PAICS: variants seen among roughly 807,000 people sequenced by gnomAD.
The protein encoded by PAICS is phosphoribosylaminoimidazole carboxylase and phosphoribosylaminoimidazolesuccinocarboxamide synthase, also known as bifunctional phosphoribosylaminoimidazole carboxylase/phosphoribosylaminoimidazole succinocarboxamide synthetase.
In PAICS, 33 loss-of-function variants were observed where a neutral mutation model predicts 53.7. That is an observed-to-expected ratio of 0.61 (90% CI 0.47 to 0.82). PAICS has a LOEUF of 0.82. PAICS is among the 40% of genes least tolerant of loss of function. The pLI is 0.00. For synonymous variants in PAICS, 141 were observed against 167.2 expected, an observed-to-expected ratio of 0.84 and a Z score of 1.21; for missense variants, 394 against 494.1, an observed-to-expected ratio of 0.80 and a Z score of 1.92.
At chr4:56,414,719 C>G in the PAICS span, among the ~76,000 whole-genome samples, 1 of 152,162 alleles carries the variant, frequency 6.6e-6, no homozygotes, top group Admixed American at 6.5e-5. Context: ...AATCTGGACT[C>G]TAAACCAGGT....
At chr4:56,440,278 C>T (rs1032117562) in intron 1 of PAICS, among the ~76,000 whole-genome samples, 1 of 152,198 alleles carries the variant, frequency 6.6e-6, no homozygotes, top group African/African-American at 2.4e-5. Flanking sequence ...TAAGCCAGGG[C>T]TGTATCTTAA....
At chr4:56,419,619 T>A in the PAICS span, 8 of 960,736 alleles carry the variant, frequency 8.3e-6, no homozygotes, top group Non-Finnish European at 9.9e-6. Context: ...TGCAGGTATC[T>A]CTACGTCAGT....
intron 2 of PAICS, among the ~76,000 whole-genome samples, chr4:56,444,907 C>A (rs141270803): frequency 1.3e-5 from 2 of 152,122 alleles, no homozygotes; most frequent in Non-Finnish European, 2.9e-5. Flanking sequence ...TAATGATTAA[C>A]AGATCTAAGA....
upstream of PAICS, chr4:56,435,855 C>G (rs200303380): frequency 6.7e-7 from 1 of 1,488,736 alleles, no homozygotes; most frequent in East Asian, 2.9e-5. Context: ...ACGGACTTAA[C>G]CTCATTTCTC....
At chr4:56,428,457 G>A in the PAICS span, among the ~76,000 whole-genome samples, 2 of 152,058 alleles carry the variant, frequency 1.3e-5, no homozygotes, top group Non-Finnish European at 2.9e-5. Flanking sequence ...GACAGAGACC[G>A]GAAACAATGT....
intron 8 of PAICS, among the ~76,000 whole-genome samples, chr4:56,455,259 T>C (rs893398963): frequency 6.6e-6 from 1 of 152,244 alleles, no homozygotes; most frequent in South Asian, 2.1e-4. Flanking sequence ...GTCCAAGATA[T>C]GATCTGATAT....
the PAICS span, among the ~76,000 whole-genome samples, chr4:56,426,485 C>T: frequency 2.0e-5 from 3 of 152,056 alleles, no homozygotes; most frequent in Non-Finnish European, 4.4e-5. Context: ...AACCACTAAC[C>T]AACTTTCTGT....
intron 1 of PAICS, among the ~76,000 whole-genome samples, chr4:56,438,371 T>TATATA (rs1718133599): frequency 2.6e-4 from 30 of 113,672 alleles, no homozygotes; most frequent in Middle Eastern, 5.3e-3. Flanking sequence ...TGCAATGTGT[T>TATATA]TATATATATA....
chr4:56,441,909 G>T, intron 2 of PAICS, 49 bp downstream of exon 2: 3 of 1,259,100 alleles, frequency 2.4e-6, no homozygotes, highest in Non-Finnish European at 3.3e-6. Flanking sequence ...TGGTAAGCAT[G>T]TCGATGTCTT....
chr4:56,410,747 A>T, the PAICS span: 1 of 987,224 alleles, frequency 1.0e-6, no homozygotes, highest in Non-Finnish European at 1.2e-6. Flanking sequence ...ATATGCCCAT[A>T]ACTCTGGAGA....
chr4:56,456,725 C>G (rs1330404985), intron 8 of PAICS, among the ~76,000 whole-genome samples: 3 of 130,736 alleles, frequency 2.3e-5, no homozygotes, highest in African/African-American at 9.3e-5. Context: ...TTTTTTTTTA[C>G]ACAATGTTTT....
intron 7 of PAICS, among the ~76,000 whole-genome samples, chr4:56,453,058 T>G (rs968634592): frequency 6.6e-6 from 1 of 152,210 alleles, no homozygotes; most frequent in African/African-American, 2.4e-5. Context: ...AACAGGAGGA[T>G]AATTTATAAA....
intron 8 of PAICS, among the ~76,000 whole-genome samples, chr4:56,455,980 T>C (rs751087929): frequency 7.9e-5 from 12 of 152,232 alleles, no homozygotes; most frequent in Non-Finnish European, 1.8e-4. Context: ...TCTCTTCTCA[T>C]TTTTGAATTT....
intron 5 of PAICS, among the ~76,000 whole-genome samples, chr4:56,450,232 AAACCT>A (rs1368033833): frequency 6.6e-6 from 1 of 152,120 alleles, no homozygotes; most frequent in Non-Finnish European, 1.5e-5. Flanking sequence ...ATGGGGCTTA[AAACCT>A]AGATGACAGG....
At chr4:56,436,030 C>T, upstream of PAICS, 3 of 1,525,144 alleles carry the variant, frequency 2.0e-6, no homozygotes, top group South Asian at 2.3e-5. Context: ...CACTTTTCGC[C>T]TGTCCGGGCA....
upstream of PAICS, chr4:56,435,610 G>C (rs758097056): frequency 3.7e-5 from 55 of 1,505,648 alleles, no homozygotes; most frequent in East Asian, 9.4e-5. Context: ...GGTGGCCCCA[G>C]CTACTGCGGC....
chr4:56,451,517 A>G (rs1160398893), intron 6 of PAICS, among the ~76,000 whole-genome samples: 1 of 152,200 alleles, frequency 6.6e-6, no homozygotes, highest in Non-Finnish European at 1.5e-5. Context: ...ATGACTTCTG[A>G]TTTGGCTAAT....
intron 1 of PAICS, chr4:56,436,670 C>G (rs1717991936): frequency 1.8e-6 from 1 of 559,060 alleles, no homozygotes; most frequent in South Asian, 1.6e-5. Flanking sequence ...AATGACCTTT[C>G]TAAGAAGGTT....
At chr4:56,435,672 T>G (rs919740742), upstream of PAICS, 45 of 1,442,380 alleles carry the variant, frequency 3.1e-5, no homozygotes, top group Non-Finnish European at 3.9e-5. Flanking sequence ...CTCCTCCCCC[T>G]CCGAGTCCAC....
Sources: gnomAD v4.1 joint callset for allele counts (sites outside exome capture counted in the v4.1 genomes callset) on GRCh38, gnomAD v4.1.1 for gene constraint, MANE v1.5 for transcripts, NCBI Gene and HGNC (gene_info 2026-07-23, HGNC 2026-07-21) for gene names.